The following GABRG3 variants were observed in gnomAD, a reference collection of about 807,000 sequenced individuals.
GABRG3 encodes gamma-aminobutyric acid type A receptor subunit gamma3, also known as gamma-aminobutyric acid receptor subunit gamma-3.
GABRG3 carries 25 observed loss-of-function variants against 48.8 expected under a neutral mutation model. The observed-to-expected ratio is 0.51, with a 90% CI of 0.37 to 0.72. The LOEUF (loss-of-function observed/expected upper bound fraction) is 0.72, where lower values mean the gene tolerates loss of function less well. Among genes scored for constraint, GABRG3 ranks in the 30% least tolerant of loss-of-function variants. The pLI is 0.00. For synonymous variants in GABRG3, 227 were observed against 217.6 expected, an observed-to-expected ratio of 1.04 and a Z score of -0.38; for missense variants, 394 against 577.9, an observed-to-expected ratio of 0.68 and a Z score of 3.26.
intron 6 of GABRG3, among the ~76,000 whole-genome samples, chr15:27,503,485 T>C (rs1049056895): frequency 4.6e-5 from 7 of 152,184 alleles, no homozygotes; most frequent in African/African-American, 1.7e-4. Context: ...AGTGGAATCA[T>C]ATAAAATGGA....
At chr15:27,287,435 A>T (rs1891649390) in intron 3 of GABRG3, among the ~76,000 whole-genome samples, 1 of 152,228 alleles carries the variant, frequency 6.6e-6, no homozygotes, top group South Asian at 2.1e-4. Flanking sequence ...AATCCTAAAA[A>T]TCTGACAATA....
intron 3 of GABRG3, among the ~76,000 whole-genome samples, chr15:27,229,453 TTGTG>T (rs377519773): frequency 9.5e-6 from 1 of 105,080 alleles, no homozygotes. Context: ...CCTAGGTTTT[TTGTG>T]TGTGTGTGTG....
intron 6 of GABRG3, among the ~76,000 whole-genome samples, chr15:27,501,165 A>C (rs372913090): frequency 2.0e-5 from 3 of 152,008 alleles, no homozygotes; most frequent in Non-Finnish European, 2.9e-5. Context: ...GTTAACCAGG[A>C]TGGTCTCGAT....
intron 3 of GABRG3, among the ~76,000 whole-genome samples, chr15:27,119,206 C>A (rs1209181953): frequency 6.6e-6 from 1 of 152,200 alleles, no homozygotes; most frequent in Admixed American, 6.5e-5. Context: ...TCCAATTACA[C>A]CTCTATGCAA....
At position 27,403,919 on chromosome 15, in the gene GABRG3, AAAAAAAAAAC is replaced by A. The variant is rs1566825937; in HGVS notation, c.574+75041_574+75050del. ...AAGCCAGACTCAAAAAAAAACAAAA[AAAAAAAAAAC>A]AAAAAAAAAAAACCGGGCTTGGTAG... On this transcript the variant is annotated intron_variant, in intron 5 of 9. Transcript: ENST00000615808. Among the ~76,000 whole-genome samples the A allele has an allele frequency of 1.6e-3, 213 of 133,680 alleles. 8 individuals are homozygous for A. Among genetic ancestry groups the A allele is most frequent in the African/African-American group, 7.1e-3 (201 of 28,498 alleles). 87.7% of individuals were successfully genotyped at this position (133,680 alleles called of 152,430 possible).
intron 3 of GABRG3, among the ~76,000 whole-genome samples, chr15:27,170,426 C>A (rs1156328711): frequency 6.6e-6 from 1 of 151,760 alleles, no homozygotes; most frequent in Admixed American, 6.6e-5. Context: ...ATATTATGAA[C>A]CCTAGAGCCA....
chr15:27,433,155 C>T (rs1301975986), intron 5 of GABRG3, among the ~76,000 whole-genome samples: 1 of 152,234 alleles, frequency 6.6e-6, no homozygotes, highest in African/African-American at 2.4e-5. Flanking sequence ...TAGGCTTTTT[C>T]TAACGTGGTC....
chr15:27,083,496 C>T (rs1326759854), intron 3 of GABRG3, among the ~76,000 whole-genome samples: 6 of 152,026 alleles, frequency 3.9e-5, no homozygotes, highest in Admixed American at 3.9e-4. Flanking sequence ...TCATGCCTGG[C>T]TAATTTTTAT....
intron 5 of GABRG3, among the ~76,000 whole-genome samples, chr15:27,347,586 G>A (rs1339801589): frequency 1.3e-5 from 2 of 152,138 alleles, no homozygotes; most frequent in African/African-American, 2.4e-5. Flanking sequence ...AAATGCTCTG[G>A]TGTATTTCAC....
At chr15:27,273,126 A>G (rs190804838) in intron 3 of GABRG3, among the ~76,000 whole-genome samples, 18 of 152,324 alleles carry the variant, frequency 1.2e-4, no homozygotes, top group Admixed American at 1.1e-3. Context: ...CAAGGAGTAA[A>G]AATGATAGAG....
At chr15:27,410,372 G>A (rs1173233053) in intron 5 of GABRG3, among the ~76,000 whole-genome samples, 3 of 151,790 alleles carry the variant, frequency 2.0e-5, no homozygotes, top group Non-Finnish European at 4.4e-5. Flanking sequence ...TTTTAGTTTA[G>A]CTTGGTATTT....
chr15:27,173,052 A>G (rs1887625396), intron 3 of GABRG3, among the ~76,000 whole-genome samples: 1 of 152,152 alleles, frequency 6.6e-6, no homozygotes, highest in Non-Finnish European at 1.5e-5. Flanking sequence ...GCACTTAAAC[A>G]AACATTCCTC....
chr15:27,094,177 C>T (rs1219071664), intron 3 of GABRG3, among the ~76,000 whole-genome samples: 2 of 152,142 alleles, frequency 1.3e-5, no homozygotes, highest in East Asian at 3.9e-4. Flanking sequence ...GCCAAGGACC[C>T]AGGTGCTTGC....
chr15:27,040,982 C>T lies in GABRG3; in HGVS notation c.270+14161C>T, dbSNP rs564261066. Among the ~76,000 whole-genome samples the T allele has an allele frequency of 2.6e-5, 4 of 152,202 alleles. No individual in the cohort carries two copies. In the East Asian group the frequency reaches 5.8e-4, roughly 22 times the overall value. On this transcript the variant is annotated intron_variant, in intron 3 of 9. Coordinates refer to ENST00000615808, the MANE Select transcript of GABRG3 (RefSeq NM_033223.5). Reference sequence around the variant, plus strand: ...GGCCTCTCTGTGAGGTGTGCTCGTGCGGGGAGAAACCTCTTCCAATATCCA... The same window carrying T: ...GGCCTCTCTGTGAGGTGTGCTCGTGTGGGGAGAAACCTCTTCCAATATCCA...
intron 3 of GABRG3, among the ~76,000 whole-genome samples, chr15:27,119,498 A>G (rs1006167914): frequency 2.6e-5 from 4 of 152,094 alleles, no homozygotes; most frequent in Admixed American, 6.5e-5. Flanking sequence ...GCTGTGTAAC[A>G]GGGGAGCACA....
intron 3 of GABRG3, among the ~76,000 whole-genome samples, chr15:27,078,082 C>T (rs1480031734): frequency 6.6e-6 from 1 of 152,184 alleles, no homozygotes; most frequent in East Asian, 1.9e-4. Flanking sequence ...GTCAGCTTCA[C>T]TGGGGGCCAT....
At chr15:27,145,087 T>C (rs919723641) in intron 3 of GABRG3, among the ~76,000 whole-genome samples, 6 of 152,088 alleles carry the variant, frequency 3.9e-5, no homozygotes, top group Non-Finnish European at 8.8e-5. Flanking sequence ...AAATGTTCTG[T>C]TTCCAACCAA....
At chr15:27,015,539 C>T in intron 2 of GABRG3, among the ~76,000 whole-genome samples, 1 of 151,868 alleles carries the variant, frequency 6.6e-6, no homozygotes, top group Admixed American at 6.6e-5. Flanking sequence ...TGCCCACCAC[C>T]ACACCTGGCT....
At chr15:27,466,953 C>T (rs1353598970) in intron 5 of GABRG3, among the ~76,000 whole-genome samples, 1 of 152,212 alleles carries the variant, frequency 6.6e-6, no homozygotes, top group African/African-American at 2.4e-5. Flanking sequence ...GCACAATAAA[C>T]ACTACAGTTA....
Sources: gnomAD v4.1 joint callset for allele counts (sites outside exome capture counted in the v4.1 genomes callset) on GRCh38, gnomAD v4.1.1 for gene constraint, MANE v1.5 for transcripts, NCBI Gene and HGNC (gene_info 2026-07-23, HGNC 2026-07-21) for gene names.